FRMD4A: variants seen among roughly 807,000 people sequenced by gnomAD.
FRMD4A encodes the protein FERM domain-containing protein 4A.
In FRMD4A, 29 loss-of-function variants were observed where a neutral mutation model predicts 129.1. The ratio of observed to expected loss-of-function variants is 0.22; its 90% CI spans 0.17 to 0.31. FRMD4A has a LOEUF of 0.31. Ranked by LOEUF, FRMD4A falls within the 10% of genes least tolerant of loss-of-function variation. FRMD4A has a pLI of 1.00. For missense variants in FRMD4A, 1,272 were observed against 1,375.8 expected (o/e 0.92, Z 1.19); for synonymous variants, 634 against 571.6 (o/e 1.11, Z -1.56).
At chr10:13,931,563 T>G (rs2095195303) in intron 2 of FRMD4A, among the ~76,000 whole-genome samples, 1 of 152,132 alleles carries the variant, frequency 6.6e-6, no homozygotes, top group Non-Finnish European at 1.5e-5. Context: ...TACTACCCTG[T>G]GCAGTAAAGC....
At chr10:14,321,906 G>A (rs1310994958) in intron 2 of FRMD4A, among the ~76,000 whole-genome samples, 1 of 152,102 alleles carries the variant, frequency 6.6e-6, no homozygotes, top group Non-Finnish European at 1.5e-5. Context: ...CAGTGAGTGA[G>A]TTCTCATGAG....
At chr10:13,796,629 T>C (rs768207334) in intron 4 of FRMD4A, 41 bp from the exon 5 acceptor site, 1 of 1,109,350 alleles carries the variant, frequency 9.0e-7, no homozygotes, top group South Asian at 1.2e-5. Flanking sequence ...GTTTGCATTT[T>C]GCAGAAGTTT....
At chr10:13,882,420 G>A (rs936778082) in intron 2 of FRMD4A, among the ~76,000 whole-genome samples, 8 of 152,198 alleles carry the variant, frequency 5.3e-5, no homozygotes, top group Non-Finnish European at 1.2e-4. Flanking sequence ...TGAGGTCTGA[G>A]CCTTGGAGGA....
chr10:13,896,936 G>A (rs565567749), intron 2 of FRMD4A, among the ~76,000 whole-genome samples: 3 of 152,210 alleles, frequency 2.0e-5, no homozygotes, highest in Non-Finnish European at 4.4e-5. Context: ...TTATGCGTGA[G>A]GTTGCAAATT....
At chr10:13,678,528 T>A (rs936581336) in intron 15 of FRMD4A, among the ~76,000 whole-genome samples, 1 of 152,166 alleles carries the variant, frequency 6.6e-6, no homozygotes, top group Non-Finnish European at 1.5e-5. Flanking sequence ...AGAAAACACA[T>A]CTCCAGCACT....
chr10:13,844,099 GA>G (rs1234774028), intron 3 of FRMD4A, among the ~76,000 whole-genome samples: 1 of 152,108 alleles, frequency 6.6e-6, no homozygotes. Flanking sequence ...TGTGTTATAT[GA>G]ATGCGTATGT....
At chr10:14,022,138 A>G (rs1424017648) in intron 2 of FRMD4A, among the ~76,000 whole-genome samples, 1 of 152,216 alleles carries the variant, frequency 6.6e-6, no homozygotes, top group Non-Finnish European at 1.5e-5. Flanking sequence ...GGAGGAGGCA[A>G]GACAGAGACA....
At chr10:13,714,767 T>A (rs1170941976) in intron 12 of FRMD4A, among the ~76,000 whole-genome samples, 1 of 152,082 alleles carries the variant, frequency 6.6e-6, no homozygotes, top group Non-Finnish European at 1.5e-5. Flanking sequence ...AGGCTGGGCA[T>A]GGTGGCTCAT....
At chr10:14,236,056 A>G (rs1431304244) in intron 2 of FRMD4A, among the ~76,000 whole-genome samples, 1 of 152,248 alleles carries the variant, frequency 6.6e-6, no homozygotes, top group Non-Finnish European at 1.5e-5. Flanking sequence ...AGCTTCATGC[A>G]CGATCATCTG....
intron 2 of FRMD4A, among the ~76,000 whole-genome samples, chr10:14,018,380 C>T (rs1039185546): frequency 7.2e-5 from 10 of 138,822 alleles, no homozygotes; most frequent in South Asian, 2.3e-4. Context: ...GGTGTGAACC[C>T]GGGAGGCAGA....
At chr10:13,933,844 C>T (rs960568802) in intron 2 of FRMD4A, among the ~76,000 whole-genome samples, 2 of 152,090 alleles carry the variant, frequency 1.3e-5, no homozygotes, top group Admixed American at 6.6e-5. Flanking sequence ...GCTAGGGGAG[C>T]AGGGGGCAGG....
chr10:14,148,922 TC>T (rs1157301484), intron 2 of FRMD4A, among the ~76,000 whole-genome samples: 1 of 152,182 alleles, frequency 6.6e-6, no homozygotes, highest in Non-Finnish European at 1.5e-5. Flanking sequence ...GGATTTTACT[TC>T]CTGCATACAT....
intron 3 of FRMD4A, among the ~76,000 whole-genome samples, chr10:13,825,350 C>T (rs773591745): frequency 2.1e-4 from 32 of 152,254 alleles, no homozygotes; most frequent in Non-Finnish European, 3.2e-4. Flanking sequence ...AACCCCGGGC[C>T]GCAGACCAGT....
intron 2 of FRMD4A, among the ~76,000 whole-genome samples, chr10:14,125,517 C>A (rs1244614604): frequency 6.6e-6 from 1 of 152,104 alleles, no homozygotes; most frequent in Non-Finnish European, 1.5e-5. Context: ...TTTAAACATA[C>A]CAGCATGAAG....
chr10:14,282,906 T>C (rs958048320), intron 2 of FRMD4A, among the ~76,000 whole-genome samples: 4 of 152,230 alleles, frequency 2.6e-5, no homozygotes, highest in African/African-American at 9.6e-5. Context: ...CCATAGATTG[T>C]TGAGTCAGGA....
chr10:14,013,730 A>T (rs1376966405), intron 2 of FRMD4A, among the ~76,000 whole-genome samples: 1 of 152,056 alleles, frequency 6.6e-6, no homozygotes, highest in East Asian at 1.9e-4. Context: ...TCGGGAGTTC[A>T]AGACGAGCCT....
intron 2 of FRMD4A, among the ~76,000 whole-genome samples, chr10:14,269,697 C>T (rs1373314202): frequency 6.6e-6 from 1 of 152,202 alleles, no homozygotes; most frequent in African/African-American, 2.4e-5. Flanking sequence ...TCTCAAAGCC[C>T]TTAAGCTTAA....
chr10:13,933,157 TCA>T (rs1491378079), intron 2 of FRMD4A, among the ~76,000 whole-genome samples: 1 of 141,662 alleles, frequency 7.1e-6, no homozygotes, highest in Non-Finnish European at 1.6e-5. Context: ...AAACTCTGTC[TCA>T]AAAAAAAAAA....
intron 12 of FRMD4A, among the ~76,000 whole-genome samples, chr10:13,708,292 T>A (rs892142191): frequency 6.6e-6 from 1 of 152,302 alleles, no homozygotes; most frequent in East Asian, 1.9e-4. Flanking sequence ...TGATGGCCAT[T>A]TCCTGTATCT....
Sources: allele counts gnomAD v4.1 joint callset (sites outside exome capture counted in the v4.1 genomes callset), GRCh38; gene constraint gnomAD v4.1.1; transcripts MANE v1.5; gene names NCBI Gene and HGNC (gene_info 2026-07-23, HGNC 2026-07-21).